Variants in SCAI observed in about 807,000 individuals in gnomAD.
SCAI encodes protein SCAI.
Under a neutral mutation model 92.2 loss-of-function variants are expected in SCAI, and 24 were observed. The observed-to-expected ratio is 0.26, with a 90% confidence interval of 0.19 to 0.37. SCAI has a LOEUF of 0.37. Among genes scored for constraint, SCAI ranks in the 10% least tolerant of loss-of-function variants. SCAI has a pLI of 1.00. For synonymous variants in SCAI, 261 were observed against 258.6 expected, an observed-to-expected ratio of 1.01 and a Z score of -0.09; for missense variants, 450 against 736.2, an observed-to-expected ratio of 0.61 and a Z score of 4.50.
At chr9:124,974,364 C>T (rs985347358) in intron 15 of SCAI, 7 of 336,114 alleles carry the variant, frequency 2.1e-5, no homozygotes, top group Non-Finnish European at 3.5e-5. Context: ...GGGAGGATCA[C>T]CTGAGCCCAG....
At chr9:125,002,131 T>C in intron 11 of SCAI, 88 bp from the exon 12 acceptor site, 1 of 941,184 alleles carries the variant, frequency 1.1e-6, no homozygotes, top group South Asian at 1.3e-5. Context: ...CTTAAAGTTG[T>C]GAAATAAATA....
chr9:124,970,700 G>T (rs1831641389), intron 17 of SCAI, among the ~76,000 whole-genome samples: 1 of 152,062 alleles, frequency 6.6e-6, no homozygotes. Flanking sequence ...TCCAGCCTGG[G>T]CAACATGAGT....
intron 2 of SCAI, chr9:125,066,113 C>A (rs1045620741): frequency 3.0e-6 from 2 of 671,828 alleles, no homozygotes; most frequent in African/African-American, 1.8e-5. Context: ...ATTATTTGTA[C>A]ATAACATGAA....
At chr9:124,963,081 G>A (rs890368448) in intron 17 of SCAI, among the ~76,000 whole-genome samples, 2 of 151,288 alleles carry the variant, frequency 1.3e-5, no homozygotes, top group African/African-American at 2.4e-5. Context: ...TTACAGGCGT[G>A]AGCCACCACA....
chr9:125,114,977 T>C (rs1340822030), intron 2 of SCAI, among the ~76,000 whole-genome samples: 1 of 152,012 alleles, frequency 6.6e-6, no homozygotes, highest in African/African-American at 2.4e-5. Flanking sequence ...TTTGCCATGA[T>C]GGCCAGGCTG....
chr9:125,138,563 T>C (rs950252725), intron 2 of SCAI, among the ~76,000 whole-genome samples: 1 of 152,156 alleles, frequency 6.6e-6, no homozygotes, highest in African/African-American at 2.4e-5. Flanking sequence ...TACAGGCACC[T>C]GCCACCACGT....
At chr9:125,023,198 T>A (rs1832904218) in intron 6 of SCAI, among the ~76,000 whole-genome samples, 1 of 152,196 alleles carries the variant, frequency 6.6e-6, no homozygotes, top group African/African-American at 2.4e-5. Flanking sequence ...ATCCTTCTTG[T>A]ATATCATACC....
intron 13 of SCAI, among the ~76,000 whole-genome samples, chr9:124,996,832 T>C (rs903585742): frequency 2.0e-5 from 3 of 151,856 alleles, no homozygotes; most frequent in African/African-American, 7.3e-5. Flanking sequence ...GATTTCACCA[T>C]GTTGCCAGGC....
At chr9:124,986,035 T>G (rs1831983750) in intron 14 of SCAI, among the ~76,000 whole-genome samples, 1 of 152,184 alleles carries the variant, frequency 6.6e-6, no homozygotes, top group Non-Finnish European at 1.5e-5. Context: ...CTCATGCCTG[T>G]AATCCCAGTA....
At chr9:125,132,070 C>A (rs541568419) in intron 2 of SCAI, among the ~76,000 whole-genome samples, 1 of 152,112 alleles carries the variant, frequency 6.6e-6, no homozygotes, top group East Asian at 1.9e-4. Flanking sequence ...GCATTTCACT[C>A]AACATGCTTT....
At chr9:124,989,017 T>C (rs1282565331) in intron 14 of SCAI, among the ~76,000 whole-genome samples, 2 of 152,104 alleles carry the variant, frequency 1.3e-5, no homozygotes, top group East Asian at 3.9e-4. Flanking sequence ...CGCATGCCTG[T>C]AATCCCAGCT....
intron 3 of SCAI, among the ~76,000 whole-genome samples, chr9:125,052,283 A>C (rs1306049309): frequency 6.6e-6 from 1 of 152,182 alleles, no homozygotes; most frequent in Admixed American, 6.5e-5. Context: ...AGAAAGTAAA[A>C]GACATGCCGG....
At chr9:125,049,611 C>T (rs1215213571) in intron 3 of SCAI, among the ~76,000 whole-genome samples, 1 of 152,062 alleles carries the variant, frequency 6.6e-6, no homozygotes, top group African/African-American at 2.4e-5. Flanking sequence ...AAGAGATAAA[C>T]TATTATGCAC....
chr9:125,102,889 C>T (rs947135444), intron 2 of SCAI, among the ~76,000 whole-genome samples: 19 of 152,130 alleles, frequency 1.2e-4, no homozygotes, highest in African/African-American at 4.3e-4. Context: ...TGAGGCACCG[C>T]GCCCAGCCCT....
In SCAI at chr9:124,944,768, T is replaced by C. The variant is rs1213218608; in HGVS notation, c.*8039A>G. On this transcript the variant is annotated 3_prime_UTR_variant, in exon 18 of 18. Coordinates refer to ENST00000336505, the MANE Select transcript of SCAI (RefSeq NM_001144877.3). The stretch of plus-strand genomic sequence containing the variant: ...ATGATCATTTCAAATTTTATACTTA[T>C]TCATACTGATTTCATGTTTGAGAAA... 2.6e-5 allele frequency: 4 copies of C among 152,234 alleles called. No homozygotes were observed. Among genetic ancestry groups the C allele is most frequent in the Non-Finnish European group, 5.9e-5 (4 of 68,042 alleles). 9.4% of individuals were successfully genotyped at this position (152,234 alleles called of 1,614,324 possible).
intron 11 of SCAI, among the ~76,000 whole-genome samples, chr9:125,002,625 G>A (rs1311882141): frequency 1.3e-5 from 2 of 151,810 alleles, no homozygotes; most frequent in African/African-American, 4.8e-5. Flanking sequence ...TGGGATTACA[G>A]GCATGTGCCA....
At chr9:125,028,167 T>A (rs1050631857) in intron 5 of SCAI, among the ~76,000 whole-genome samples, 6 of 152,248 alleles carry the variant, frequency 3.9e-5, no homozygotes, top group Non-Finnish European at 7.3e-5. Flanking sequence ...TAAATGAGTC[T>A]GACCAAATGA....
At chr9:125,126,391 G>GT (rs1564424353) in intron 2 of SCAI, among the ~76,000 whole-genome samples, 3,110 of 106,598 alleles carry the variant, frequency 0.029, 148 homozygotes, top group East Asian at 0.25. Context: ...AGTGAGTTGG[G>GT]GGTGTGTGTG....
At chr9:124,989,497 C>T (rs1427463844) in intron 14 of SCAI, among the ~76,000 whole-genome samples, 1 of 152,078 alleles carries the variant, frequency 6.6e-6, no homozygotes, top group Non-Finnish European at 1.5e-5. Context: ...AGGAGAATCA[C>T]TTGAACCTGG....
Sources: allele counts gnomAD v4.1 joint callset (sites outside exome capture counted in the v4.1 genomes callset), GRCh38; gene constraint gnomAD v4.1.1; transcripts MANE v1.5; gene names NCBI Gene and HGNC (gene_info 2026-07-23, HGNC 2026-07-21).